Variants in MARCHF8 observed in about 807,000 individuals in gnomAD.
MARCHF8 encodes E3 ubiquitin-protein ligase MARCHF8.
Under a neutral mutation model 51.6 loss-of-function variants are expected in MARCHF8, and 40 were observed. The ratio of observed to expected loss-of-function variants is 0.77; its 90% CI spans 0.60 to 1.01. The LOEUF (loss-of-function observed/expected upper bound fraction) is 1.01. Ranked by LOEUF, MARCHF8 falls within the 50% of genes least tolerant of loss-of-function variation. MARCHF8 has a pLI of 0.00. For missense variants in MARCHF8, 685 were observed against 708.6 expected (o/e 0.97, Z 0.38); for synonymous variants, 263 against 280.3 (o/e 0.94, Z 0.62).
At chr10:45,543,009 C>T (rs2044073865) in intron 1 of MARCHF8, among the ~76,000 whole-genome samples, 1 of 152,250 alleles carries the variant, frequency 6.6e-6, no homozygotes, top group Non-Finnish European at 1.5e-5. Flanking sequence ...TCACATTCAA[C>T]ATTTCTTCAC....
At chr10:45,554,401 A>G (rs998505234) in intron 1 of MARCHF8, among the ~76,000 whole-genome samples, 1 of 152,244 alleles carries the variant, frequency 6.6e-6, no homozygotes, top group Non-Finnish European at 1.5e-5. Flanking sequence ...GAAAAGGCCT[A>G]GAAGTAACAA....
upstream of MARCHF8, among the ~76,000 whole-genome samples, chr10:45,538,759 A>G (rs1464981464): frequency 6.6e-6 from 1 of 152,252 alleles, no homozygotes. Flanking sequence ...TTCAACAAGA[A>G]GAGCTAACTA....
chr10:45,561,627 G>A (rs1428884286), intron 1 of MARCHF8, among the ~76,000 whole-genome samples: 6 of 151,098 alleles, frequency 4.0e-5, no homozygotes, highest in Non-Finnish European at 7.4e-5. Context: ...TAGGCCAGGC[G>A]TGGTGGCTCA....
rs1436098679 is a variant in MARCHF8, at chr10:45,454,622, A to T, written c.*3617T>A. On this transcript the variant is annotated 3_prime_UTR_variant, in exon 8 of 8. Coordinates refer to ENST00000453424, the MANE Select transcript of MARCHF8 (RefSeq NM_001282866.2). ...AAAGGCTTTATTGCTGCAATTAGAC[A>T]TCCCAGTGTATAGCACAAACCCCCC... The T allele has an allele frequency of 3.9e-5, 6 of 152,242 alleles. No individual in the cohort carries two copies. Among genetic ancestry groups the T allele is most frequent in the African/African-American group, 1.4e-4 (6 of 41,468 alleles). The allele number at this position is 152,242 out of a possible 1,614,324, so 9.4% of individuals were successfully genotyped here.
chr10:45,533,579 T>C (rs1347153352), intron 1 of MARCHF8, among the ~76,000 whole-genome samples: 1 of 152,154 alleles, frequency 6.6e-6, no homozygotes, highest in Admixed American at 6.5e-5. Flanking sequence ...AGTGCCACCA[T>C]TTATTTTAAG....
chr10:45,515,308 G>A (rs927629268), intron 2 of MARCHF8, among the ~76,000 whole-genome samples: 9 of 152,154 alleles, frequency 5.9e-5, no homozygotes, highest in Non-Finnish European at 1.2e-4. Context: ...GTTTCCCATA[G>A]CCGTCCTTTT....
At chr10:45,576,318 G>A (rs2044488828) in intron 1 of MARCHF8, among the ~76,000 whole-genome samples, 1 of 152,142 alleles carries the variant, frequency 6.6e-6, no homozygotes, top group South Asian at 2.1e-4. Flanking sequence ...GAACAATGAT[G>A]AACTTCAACC....
At chr10:45,551,614 T>A (rs1428004484) in intron 1 of MARCHF8, among the ~76,000 whole-genome samples, 1 of 152,028 alleles carries the variant, frequency 6.6e-6, no homozygotes, top group African/African-American at 2.4e-5. Context: ...TTGAAGGCCT[T>A]AATATAAAAA....
At chr10:45,501,499 CA>C (rs1183041968) in intron 2 of MARCHF8, among the ~76,000 whole-genome samples, 2 of 152,100 alleles carry the variant, frequency 1.3e-5, no homozygotes, top group African/African-American at 4.8e-5. Flanking sequence ...AAAATTAACT[CA>C]AAATAGTTCA....
At chr10:45,541,484 G>C (rs111939896) in intron 1 of MARCHF8, among the ~76,000 whole-genome samples, 1 of 152,136 alleles carries the variant, frequency 6.6e-6, no homozygotes, top group African/African-American at 2.4e-5. Context: ...AAGAGTTAAT[G>C]GGTGCAGCAC....
intron 2 of MARCHF8, among the ~76,000 whole-genome samples, chr10:45,500,083 A>G (rs1429811328): frequency 6.6e-6 from 1 of 152,102 alleles, no homozygotes; most frequent in Non-Finnish European, 1.5e-5. Flanking sequence ...CTTCCCATTT[A>G]TTTTATGTCT....
rs1410149319 is a variant in MARCHF8, at chr10:45,455,666, C to T, written c.*2573G>A. ...ACACCAGATGGGAGTACCACATCCC[C>T]ACCAGGCTTCATGCTTCACTGCTAG... On this transcript the variant is annotated 3_prime_UTR_variant, in exon 8 of 8. Coordinates refer to ENST00000453424, the MANE Select transcript of MARCHF8 (RefSeq NM_001282866.2). The T allele has an allele frequency of 2.0e-5, 3 of 152,240 alleles. No individual in the cohort carries two copies. Among genetic ancestry groups the T allele is most frequent in the Non-Finnish European group, 4.4e-5 (3 of 68,096 alleles). The allele number at this position is 152,240 out of a possible 1,614,324, so 9.4% of individuals were successfully genotyped here.
chr10:45,513,768 C>T (rs537371178), intron 2 of MARCHF8, among the ~76,000 whole-genome samples: 1 of 152,308 alleles, frequency 6.6e-6, no homozygotes, highest in East Asian at 1.9e-4. Flanking sequence ...GGCTTACACA[C>T]ACACGTGGGA....
At chr10:45,464,475 T>C in intron 3 of MARCHF8, 148 bp from the exon 4 acceptor site, 1 of 650,978 alleles carries the variant, frequency 1.5e-6, no homozygotes, top group Admixed American at 2.8e-5. Flanking sequence ...CTTCTAAGCC[T>C]TGGCAAAACA....
Position 45,553,719 on chromosome 10 carries a change from C to T in MARCHF8, c.-78-20430G>A, listed in dbSNP as rs1233048299. 2.0e-5 allele frequency among the ~76,000 whole-genome samples: 3 copies of T among 152,178 alleles called. No individual in the cohort carries two copies. In the East Asian group the frequency reaches 5.8e-4, roughly 29 times the overall value. ...CTATATACTTCTATGGAGTGATCAG[C>T]AGGAAAAATAGGAAGACAAAAAAGC... On this transcript the variant is annotated intron_variant, in intron 1 of 6. Coordinates refer to the MARCHF8 transcript ENST00000319836.
rs181654423 is a variant in MARCHF8 at position 45,501,191 on chromosome 10, G to A, written c.103-11774C>T. Among the ~76,000 whole-genome samples the A allele has an allele frequency of 4.9e-4, 75 of 151,598 alleles. 1 individual carries two copies. The highest frequency in any genetic ancestry group is 4.3e-3 in the Admixed American group (65 of 15,224). On this transcript the variant is annotated intron_variant, in intron 2 of 7. Coordinates refer to ENST00000453424, the MANE Select transcript of MARCHF8 (RefSeq NM_001282866.2). ...GTTATTCTAAGATTTATATGGATAG[G>A]CAAAGGAACTAGAATACTTAAAACA...
At chr10:45,565,757 C>G (rs970740238) in intron 1 of MARCHF8, among the ~76,000 whole-genome samples, 4 of 152,118 alleles carry the variant, frequency 2.6e-5, no homozygotes, top group Non-Finnish European at 4.4e-5. Context: ...TCATCATGAA[C>G]ACTGAGTTAC....
At position 45,489,360 on chromosome 10, in the gene MARCHF8, A is replaced by C; in HGVS notation, c.153+7T>G. ...GTAATAAATAACATTTTTCAGTGGC[A>C]CTCTACCTTAGAAATGTTGCTTGAA... On this transcript the variant is annotated splice_region_variant and intron_variant, in intron 3 of 7. Transcript: ENST00000453424. 1 of 1,610,052 alleles carries C rather than the reference A, an allele frequency of 6.2e-7. No homozygotes were observed. The highest frequency in any genetic ancestry group is 8.5e-7 in the Non-Finnish European group (1 of 1,176,834).
intron 1 of MARCHF8, among the ~76,000 whole-genome samples, chr10:45,561,896 G>A (rs1344226595): frequency 1.9e-4 from 21 of 108,204 alleles, no homozygotes; most frequent in Middle Eastern, 7.0e-3. Context: ...GCAAGACTCC[G>A]TCTCAAAAAA....
Sources: allele counts gnomAD v4.1 joint callset (sites outside exome capture counted in the v4.1 genomes callset), GRCh38; gene constraint gnomAD v4.1.1; transcripts MANE v1.5; gene names NCBI Gene and HGNC (gene_info 2026-07-23, HGNC 2026-07-21).